ADGRL2: variants seen among roughly 807,000 people sequenced by gnomAD.
ADGRL2 encodes adhesion G protein-coupled receptor L2.
A neutral mutation model predicts 157.4 loss-of-function variants in ADGRL2; 44 were observed. That is an observed-to-expected ratio of 0.28 (90% CI 0.22 to 0.36). ADGRL2 has a LOEUF of 0.36. Among genes scored for constraint, ADGRL2 ranks in the 10% least tolerant of loss-of-function variants. The probability of loss-of-function intolerance (pLI) is 1.00; values close to 1 mark genes in which losing one functional copy is unlikely to be tolerated. For missense variants in ADGRL2, 1,510 were observed against 1,768.9 expected, an observed-to-expected ratio of 0.85 and a Z score of 2.63; for synonymous variants, 585 against 624.7, an observed-to-expected ratio of 0.94 and a Z score of 0.95.
intron 2 of ADGRL2, among the ~76,000 whole-genome samples, chr1:81,478,962 A>G (rs2078328570): frequency 6.6e-6 from 1 of 152,054 alleles, no homozygotes; most frequent in Non-Finnish European, 1.5e-5. Flanking sequence ...AGTGAGCTAC[A>G]AGTGAAAGCT....
chr1:81,653,825 GA>G (rs1439416997), intron 3 of ADGRL2, among the ~76,000 whole-genome samples: 1 of 152,100 alleles, frequency 6.6e-6, no homozygotes, highest in Non-Finnish European at 1.5e-5. Context: ...CTGAAAAGAT[GA>G]TTGCCTACTG....
intron 2 of ADGRL2, among the ~76,000 whole-genome samples, chr1:81,580,367 G>A (rs2148536083): frequency 6.6e-6 from 1 of 152,024 alleles, no homozygotes; most frequent in African/African-American, 2.4e-5. Context: ...GGGGCTGCCT[G>A]TGAAAGGGCA....
chr1:81,584,963 C>G (rs2080994759), intron 3 of ADGRL2, among the ~76,000 whole-genome samples: 1 of 152,136 alleles, frequency 6.6e-6, no homozygotes, highest in Non-Finnish European at 1.5e-5. Flanking sequence ...GCCACTAAAG[C>G]TGGAGGCTTA....
At chr1:81,672,897 T>G (rs1419018928) in intron 3 of ADGRL2, among the ~76,000 whole-genome samples, 1 of 152,230 alleles carries the variant, frequency 6.6e-6, no homozygotes, top group African/African-American at 2.4e-5. Context: ...TGGAAATGTT[T>G]GAAAACATGT....
chr1:81,388,180 ACTGTAGAC>A (rs1022635556), intron 1 of ADGRL2, among the ~76,000 whole-genome samples: 1 of 151,832 alleles, frequency 6.6e-6, no homozygotes, highest in African/African-American at 2.4e-5. Flanking sequence ...ATATCCAAAA[ACTGTAGAC>A]CTGTCCCTTC....
intron 1 of ADGRL2, among the ~76,000 whole-genome samples, chr1:81,312,622 C>T (rs1333450107): frequency 6.6e-6 from 1 of 152,152 alleles, no homozygotes; most frequent in Non-Finnish European, 1.5e-5. Context: ...AGCTCTTAGT[C>T]ATTTCATTTT....
intron 1 of ADGRL2, among the ~76,000 whole-genome samples, chr1:81,352,741 A>C (rs1662995202): frequency 6.6e-6 from 1 of 152,088 alleles, no homozygotes; most frequent in Non-Finnish European, 1.5e-5. Context: ...TAGTCATCTA[A>C]ACACTTTTGA....
chr1:81,679,819 T>A (rs2148949378), intron 3 of ADGRL2, among the ~76,000 whole-genome samples: 1 of 152,326 alleles, frequency 6.6e-6, no homozygotes, highest in South Asian at 2.1e-4. Context: ...AATGGGATTT[T>A]AATTTAGTTA....
At chr1:81,528,948 G>A (rs1411562863) in intron 2 of ADGRL2, among the ~76,000 whole-genome samples, 2 of 152,214 alleles carry the variant, frequency 1.3e-5, no homozygotes, top group African/African-American at 2.4e-5. Context: ...AGTAAGAAGG[G>A]TGTTTTAAGA....
At chr1:81,335,387 G>C (rs1019473254) in intron 1 of ADGRL2, among the ~76,000 whole-genome samples, 1 of 151,812 alleles carries the variant, frequency 6.6e-6, no homozygotes, top group Non-Finnish European at 1.5e-5. Context: ...TTTCTGACTC[G>C]GTCCAGTGTC....
intron 2 of ADGRL2, among the ~76,000 whole-genome samples, chr1:81,781,928 G>A (rs548763608): frequency 6.6e-6 from 1 of 152,260 alleles, no homozygotes; most frequent in South Asian, 2.1e-4. Context: ...AACCAAATTG[G>A]CACAAAGAAG....
chr1:81,662,079 G>T (rs1004830567), intron 3 of ADGRL2, among the ~76,000 whole-genome samples: 1 of 151,958 alleles, frequency 6.6e-6, no homozygotes, highest in Admixed American at 6.6e-5. Flanking sequence ...TGATGTAGAT[G>T]TGCAGTGTGA....
At chr1:81,986,792 C>G in intron 21 of ADGRL2, 109 bp from the exon 22 acceptor site, 2 of 1,070,812 alleles carry the variant, frequency 1.9e-6, no homozygotes, top group Non-Finnish European at 2.7e-6. Context: ...CCAACTTGTC[C>G]ACTACCCTTG....
intron 2 of ADGRL2, among the ~76,000 whole-genome samples, chr1:81,462,878 GC>G (rs1157017478): frequency 6.6e-6 from 1 of 152,046 alleles, no homozygotes; most frequent in Admixed American, 6.6e-5. Context: ...ACTTTGGGAG[GC>G]CGAGGCGGGT....
At chr1:81,867,751 A>C (rs1399361298) in intron 2 of ADGRL2, among the ~76,000 whole-genome samples, 1 of 152,196 alleles carries the variant, frequency 6.6e-6, no homozygotes, top group Non-Finnish European at 1.5e-5. Context: ...ATTCAAAAAA[A>C]TTTTAATTCA....
At chr1:81,811,923 G>C (rs943928894) in intron 1 of ADGRL2, among the ~76,000 whole-genome samples, 4 of 151,408 alleles carry the variant, frequency 2.6e-5, no homozygotes, top group Admixed American at 6.6e-5. Flanking sequence ...GTGTAAGCAA[G>C]GTAATGTTTT....
At chr1:81,492,330 TA>T (rs1289100979) in intron 2 of ADGRL2, among the ~76,000 whole-genome samples, 1 of 152,204 alleles carries the variant, frequency 6.6e-6, no homozygotes, top group Non-Finnish European at 1.5e-5. Flanking sequence ...AATATCTTTG[TA>T]AAATAACCAA....
At chr1:81,877,107 A>G (rs953094045) in intron 2 of ADGRL2, among the ~76,000 whole-genome samples, 2 of 152,162 alleles carry the variant, frequency 1.3e-5, no homozygotes, top group Non-Finnish European at 2.9e-5. Flanking sequence ...TCCATGATCA[A>G]CAACATTTTG....
At position 81,943,178 on chromosome 1, in the gene ADGRL2, C is replaced by T. The variant is rs1263229653; in HGVS notation, c.619C>T (p.Leu207Phe). 1 of 1,613,458 alleles carries T rather than the reference C, an allele frequency of 6.2e-7. No homozygotes were observed. Among genetic ancestry groups the T allele is most frequent in the Non-Finnish European group, 8.5e-7 (1 of 1,179,594 alleles). Residue 207 changes from leucine to phenylalanine, a missense_variant, in exon 6 of 24, where the codon CTT (leucine) becomes TTT (phenylalanine). By Grantham distance (22) the Leu-to-Phe change is conservative (BLOSUM62 0). Around this residue, in one of 4 missense-constraint regions of ADGRL2, gnomAD observed 361 missense variants for 498.4 expected, o/e 0.72. Transcript: ENST00000686636. This position sits in a 1 kb window ranked among gnomAD's most constrained non-coding sequence, Gnocchi z 5.6. ...TAGTCGCCAAACAACAACATATAAA[C>T]TTCCAAATCGAGTAGATGGTACTGG... Reference protein sequence around the residue: ...QNSRQTTTYKLPNRVDGTGFV... With the variant: ...QNSRQTTTYKFPNRVDGTGFV...
Sources: allele counts gnomAD v4.1 joint callset (sites outside exome capture counted in the v4.1 genomes callset), GRCh38; gene constraint gnomAD v4.1.1; regional missense constraint gnomAD v4.1.1; non-coding constraint Gnocchi (gnomAD v3.1); transcripts MANE v1.5; gene names NCBI Gene and HGNC (gene_info 2026-07-23, HGNC 2026-07-21).